GARNL3: variants seen among roughly 807,000 people sequenced by gnomAD.
GARNL3 encodes the protein GTPase activating Rap/RanGAP domain like 3.
A neutral mutation model predicts 125.0 loss-of-function variants in GARNL3; 63 were observed. The ratio of observed to expected loss-of-function variants is 0.50; its 90% CI spans 0.41 to 0.62. The LOEUF (loss-of-function observed/expected upper bound fraction) is 0.62, where lower values mean the gene tolerates loss of function less well. Ranked by LOEUF, GARNL3 falls within the 20% of genes least tolerant of loss-of-function variation. The pLI is 0.00. For synonymous variants in GARNL3, 439 were observed against 457.5 expected (o/e 0.96, Z 0.52); for missense variants, 994 against 1,244.0 (o/e 0.80, Z 3.02).
At chr9:127,337,849 T>C (rs1484952552) in intron 11 of GARNL3, among the ~76,000 whole-genome samples, 1 of 152,264 alleles carries the variant, frequency 6.6e-6, no homozygotes, top group East Asian at 1.9e-4. Flanking sequence ...GCTATATTTC[T>C]ATTGCTTTTC....
At chr9:127,233,921 C>T (rs976160895) in intron 1 of GARNL3, among the ~76,000 whole-genome samples, 1 of 152,074 alleles carries the variant, frequency 6.6e-6, no homozygotes, top group Non-Finnish European at 1.5e-5. Context: ...TCCAGACTTT[C>T]TTTTTTTCAG....
At chr9:127,238,596 C>T (rs1367169056) in intron 1 of GARNL3, among the ~76,000 whole-genome samples, 1 of 152,176 alleles carries the variant, frequency 6.6e-6, no homozygotes, top group Non-Finnish European at 1.5e-5. Flanking sequence ...CCCCCATGTC[C>T]TCTCCTACAG....
intron 1 of GARNL3, among the ~76,000 whole-genome samples, chr9:127,281,835 G>T (rs1469149245): frequency 6.6e-6 from 1 of 152,172 alleles, no homozygotes; most frequent in African/African-American, 2.4e-5. Flanking sequence ...TCTAAGTCAG[G>T]GATGTGTCTG....
upstream of GARNL3, chr9:127,264,190 A>C (rs533490740): frequency 1.4e-4 from 57 of 415,328 alleles, no homozygotes; most frequent in African/African-American, 1.1e-3. Context: ...TGAGTGCTAA[A>C]TATACTAACT....
chr9:127,322,587 G>A (rs2065437345), intron 6 of GARNL3, among the ~76,000 whole-genome samples: 1 of 152,156 alleles, frequency 6.6e-6, no homozygotes, highest in Admixed American at 6.5e-5. Flanking sequence ...GTGCATGTGT[G>A]TGTGAATTTG....
Position 127,384,971 on chromosome 9 carries a change from C to A in GARNL3, c.2270-56C>A. On this transcript the variant is annotated intron_variant, in intron 23 of 27. Coordinates refer to ENST00000373387, the MANE Select transcript of GARNL3 (RefSeq NM_032293.5). This position sits in a 1 kb window ranked among gnomAD's most constrained non-coding sequence, Gnocchi z 4.0. Reference sequence around the variant, plus strand: ...GAGTGTGACTATGACACAGTCACAGCCCCTTCGCGGCCACCAAGCCAGCAG... The same window carrying A: ...GAGTGTGACTATGACACAGTCACAGACCCTTCGCGGCCACCAAGCCAGCAG... 9.9e-7 allele frequency: 1 copy of A among 1,011,002 alleles called. No individual in the cohort carries two copies. Among genetic ancestry groups the A allele is most frequent in the Non-Finnish European group, 1.5e-6 (1 of 654,644 alleles). The allele number at this position is 1,011,002 out of a possible 1,614,324, so 62.6% of individuals were successfully genotyped here.
In GARNL3 at chr9:127,357,394, G is replaced by A; in HGVS notation, c.2094+17G>A. ...GCCAACAGGGTAAGCCAGCGGTTGT[G>A]GGGACAAGTGAGAATCAGAAAAGAG... On this transcript the variant is annotated intron_variant, in intron 21 of 27. Transcript: ENST00000373387. 6.2e-7 allele frequency: 1 copy of A among 1,611,640 alleles called. No homozygotes were observed. The highest frequency in any genetic ancestry group is 8.5e-7 in the Non-Finnish European group (1 of 1,179,210).
In GARNL3 at chr9:127,272,405, G is replaced by A. The variant is rs1043285424; in HGVS notation, c.144+7384G>A. ...AACATCAAAACATCAAGACTTCAGC[G>A]TTGTACAGCTAAAATCATAATTTTG... On this transcript the variant is annotated intron_variant, in intron 1 of 27. Coordinates refer to ENST00000373387, the MANE Select transcript of GARNL3 (RefSeq NM_032293.5). 1.1e-4 allele frequency among the ~76,000 whole-genome samples: 17 copies of A among 149,898 alleles called. 1 individual carries two copies. The highest frequency in any genetic ancestry group is 9.6e-4 in the East Asian group (5 of 5,196).
chr9:127,354,364 G>A lies in GARNL3; in HGVS notation c.1713G>A (p.Gly571=), dbSNP rs547456901. 13 of 1,613,926 alleles carry A rather than the reference G, an allele frequency of 8.1e-6. No individual in the cohort carries two copies. The South Asian group carries it at 1.1e-4, about 14-fold the overall frequency. ...AGGGCCTTGAGGGGAAGCAGGCTGG[G>A]AAGAGCAGGTCTGACTGCAGAGAAA... is the stretch of plus-strand genomic sequence containing the variant. ...LQKGLEGKQA[G]KSRSDCRENK... Residue 571 remains glycine, a synonymous_variant, in exon 19 of 28, where the codon GGG becomes GGA. Coordinates refer to ENST00000373387, the MANE Select transcript of GARNL3 (RefSeq NM_032293.5).
intron 21 of GARNL3, among the ~76,000 whole-genome samples, chr9:127,361,298 G>A (rs929677451): frequency 6.7e-6 from 1 of 150,054 alleles, no homozygotes; most frequent in Admixed American, 6.6e-5. Context: ...AGAGAGACAG[G>A]GTCTAGCTCT....
At chr9:127,388,710 G>A (rs1388265133) in intron 25 of GARNL3, 194 bp from the exon 26 acceptor site, 1 of 590,638 alleles carries the variant, frequency 1.7e-6, no homozygotes, top group African/African-American at 1.9e-5. Context: ...ACATGAAAAT[G>A]CTCTTAGAAA....
At chr9:127,310,864 T>C (rs1200926344) in intron 2 of GARNL3, among the ~76,000 whole-genome samples, 1 of 152,204 alleles carries the variant, frequency 6.6e-6, no homozygotes, top group East Asian at 1.9e-4. Context: ...CAGCCATTGC[T>C]GGTGGAACTA....
At chr9:127,309,340 A>G (rs1185928453) in intron 2 of GARNL3, among the ~76,000 whole-genome samples, 1 of 152,212 alleles carries the variant, frequency 6.6e-6, no homozygotes, top group Non-Finnish European at 1.5e-5. Context: ...AATAGAATCT[A>G]TCTCATAAGG....
In GARNL3 at chr9:127,342,333, A is replaced by C. The variant is rs752478070; in HGVS notation, c.1250A>C (p.Lys417Thr). 6.3e-7 allele frequency: 1 copy of C among 1,588,490 alleles called. No individual in the cohort carries two copies. The highest frequency in any genetic ancestry group is 2.2e-5 in the East Asian group (1 of 44,750). The change falls in exon 14 of 28, where the codon AAG (lysine) becomes ACG (threonine). Residue 417 changes from lysine (K) to threonine (T), a missense_variant and splice_region_variant. By Grantham distance (78) the Lys-to-Thr change is moderately conservative (BLOSUM62 -1). Coordinates refer to ENST00000373387, the MANE Select transcript of GARNL3 (RefSeq NM_032293.5). ...CAGGATTTGATGCCAGATTTGCATAAGGTAATTCTGGGTCCATGGTCTTCT... is the reference window on the plus strand; with the variant it reads ...CAGGATTTGATGCCAGATTTGCATACGGTAATTCTGGGTCCATGGTCTTCT... ...LHQDLMPDLH[K>T]NMLNRRSFSD...
intron 2 of GARNL3, chr9:127,300,621 AT>A: frequency 3.4e-6 from 1 of 290,464 alleles, no homozygotes; most frequent in South Asian, 3.2e-5. Flanking sequence ...CGCTTGGCTA[AT>A]TTTTGTATTG....
rs1832484661 is a variant in GARNL3, at chr9:127,385,255, G to C, written c.2388+110G>C. 5.2e-6 allele frequency: 3 copies of C among 578,802 alleles called. No individual in the cohort carries two copies. The highest frequency in any genetic ancestry group is 3.1e-5 in the Admixed American group (1 of 32,344). The allele number at this position is 578,802 out of a possible 1,614,324, so 35.9% of individuals were successfully genotyped here. On this transcript the variant is annotated intron_variant, in intron 24 of 27. Transcript: ENST00000373387. The surrounding 1 kb of genome is among the most constrained non-coding windows in gnomAD (Gnocchi z 4.1). ...TGTCAAGTTAGGCTGATGAAGACCG[G>C]TGTCAGAATGCCAGCACGAGATGGA...
intron 7 of GARNL3, 136 bp downstream of exon 7, chr9:127,325,231 G>A: frequency 1.3e-6 from 1 of 756,962 alleles, no homozygotes; most frequent in Non-Finnish European, 2.2e-6. Flanking sequence ...ACATTGCGCG[G>A]AAAGAACTTA....
chr9:127,230,977 T>A (rs1378438956), intron 1 of GARNL3, among the ~76,000 whole-genome samples: 1 of 146,734 alleles, frequency 6.8e-6, no homozygotes, highest in Non-Finnish European at 1.5e-5. Flanking sequence ...TGTGTGTGTG[T>A]GTATACACAT....
intron 1 of GARNL3, among the ~76,000 whole-genome samples, chr9:127,236,798 C>T (rs1448765886): frequency 6.6e-6 from 1 of 152,178 alleles, no homozygotes; most frequent in Non-Finnish European, 1.5e-5. Context: ...TTTGAGCAGG[C>T]TCTCTTTTAT....
Sources: gnomAD v4.1 joint callset for allele counts (sites outside exome capture counted in the v4.1 genomes callset) on GRCh38, gnomAD v4.1.1 for gene constraint, Gnocchi (gnomAD v3.1) non-coding constraint, MANE v1.5 for transcripts, NCBI Gene and HGNC (gene_info 2026-07-23, HGNC 2026-07-21) for gene names.